Variants in POLA1 observed in about 807,000 individuals in gnomAD.
The protein encoded by POLA1 is DNA polymerase alpha catalytic subunit.
In POLA1, 15 loss-of-function variants were observed where a neutral mutation model predicts 124.0. The observed-to-expected ratio is 0.12, with a 90% CI of 0.08 to 0.19. The LOEUF is 0.19. POLA1 is among the 10% of genes least tolerant of loss of function. POLA1 has a pLI of 1.00. For synonymous variants in POLA1, 408 were observed against 389.4 expected, an observed-to-expected ratio of 1.05 and a Z score of -0.56; for missense variants, 886 against 1,103.4, an observed-to-expected ratio of 0.80 and a Z score of 2.79.
At chrX:24,923,888 T>C (rs904391037) in intron 35 of POLA1, among the ~76,000 whole-genome samples, 6 of 111,751 alleles carry the variant, frequency 5.4e-5, no homozygotes, top group African/African-American at 1.3e-4. Flanking sequence ...AACTAAGTAA[T>C]TGAGTGGCAG....
intron 26 of POLA1, among the ~76,000 whole-genome samples, chrX:24,803,930 TAAAAAAAAAAAA>T (rs34721601): frequency 1.7e-3 from 24 of 13,847 alleles, no homozygotes; most frequent in Admixed American, 0.011. Context: ...ACCCTAGACT[TAAAAAAAAAAAA>T]AAAAAAAAAA....
intron 26 of POLA1, chrX:24,788,278 G>C: frequency 1.2e-6 from 1 of 809,873 alleles, no homozygotes. Context: ...GTGAAAAGCA[G>C]AAAGCTTTTC....
At chrX:24,741,132 TGTGTGTGTGTGTGTGCGCGC>T (rs991335306) in intron 20 of POLA1, among the ~76,000 whole-genome samples, 7 of 81,818 alleles carry the variant, frequency 8.6e-5, no homozygotes, top group African/African-American at 2.6e-4. Context: ...TGTGTGTGTG[TGTGTGTGTGTGTGTGCGCGC>T]GTGTGTGTGT....
At chrX:24,983,745 G>A (rs1005245867) in intron 36 of POLA1, among the ~76,000 whole-genome samples, 3 of 112,137 alleles carry the variant, frequency 2.7e-5, no homozygotes, top group Non-Finnish European at 5.6e-5. Flanking sequence ...GTCAATATCA[G>A]TAACCATCCC....
intron 4 of POLA1, among the ~76,000 whole-genome samples, chrX:24,707,759 C>T (rs1040344715): frequency 2.7e-5 from 3 of 112,124 alleles, no homozygotes; most frequent in Admixed American, 9.4e-5. Flanking sequence ...TTTGGGAGGC[C>T]GAGGTGGGCA....
At chrX:24,712,320 G>A (rs1242391617) in intron 4 of POLA1, among the ~76,000 whole-genome samples, 3 of 110,345 alleles carry the variant, frequency 2.7e-5, no homozygotes, top group Non-Finnish European at 5.7e-5. Context: ...TCCTGACCTC[G>A]TATTCCGCCC....
intron 16 of POLA1, among the ~76,000 whole-genome samples, chrX:24,733,291 G>T (rs1048852930): frequency 1.9e-4 from 21 of 112,261 alleles, no homozygotes; most frequent in African/African-American, 6.5e-4. Flanking sequence ...GCAATCATGA[G>T]TTCATTTCAA....
intron 27 of POLA1, 43 bp from the exon 28 acceptor site, chrX:24,810,665 C>T (rs963145803): frequency 3.5e-6 from 2 of 574,842 alleles, no homozygotes; most frequent in African/African-American, 4.7e-5. Flanking sequence ...ATGTAATGGT[C>T]ACTGTGTTTT....
At chrX:24,860,666 T>C (rs2046704370) in intron 34 of POLA1, among the ~76,000 whole-genome samples, 1 of 112,240 alleles carries the variant, frequency 8.9e-6, no homozygotes, top group East Asian at 2.8e-4. Flanking sequence ...AGCAAAGGAG[T>C]GAACATGAGT....
At chrX:24,916,120 G>T (rs960391514) in intron 35 of POLA1, among the ~76,000 whole-genome samples, 1 of 111,196 alleles carries the variant, frequency 9.0e-6, no homozygotes, top group Non-Finnish European at 1.9e-5. Context: ...CATAGGCTTG[G>T]GAATTGAAGA....
At chrX:24,981,264 AAGTC>A (rs2048417393) in intron 36 of POLA1, among the ~76,000 whole-genome samples, 1 of 112,491 alleles carries the variant, frequency 8.9e-6, no homozygotes, top group Non-Finnish European at 1.9e-5. Context: ...CCAGAAGCCC[AAGTC>A]AGGATCAGAG....
intron 35 of POLA1, among the ~76,000 whole-genome samples, chrX:24,901,690 A>G (rs1029861887): frequency 2.7e-5 from 3 of 111,127 alleles, no homozygotes; most frequent in Non-Finnish European, 5.7e-5. Context: ...AAGTGGTTAG[A>G]TTCTTGATGC....
intron 36 of POLA1, among the ~76,000 whole-genome samples, chrX:24,979,488 T>C (rs921569254): frequency 8.9e-6 from 1 of 112,398 alleles, no homozygotes; most frequent in Non-Finnish European, 1.9e-5. Context: ...CTGGAATCTC[T>C]GGTCAGAAAT....
At chrX:24,748,655 TC>T (rs771118107) in intron 25 of POLA1, among the ~76,000 whole-genome samples, 195 bp downstream of exon 25, 17 of 112,512 alleles carry the variant, frequency 1.5e-4, no homozygotes, top group Admixed American at 1.4e-3. Flanking sequence ...GCAAGATACT[TC>T]TGGCTCCTGG....
chrX:24,806,678 T>G (rs2045806966), intron 26 of POLA1, among the ~76,000 whole-genome samples: 1 of 111,817 alleles, frequency 8.9e-6, no homozygotes, highest in Admixed American at 9.5e-5. Context: ...TGGGTTATAT[T>G]TATTTTAAAA....
intron 36 of POLA1, among the ~76,000 whole-genome samples, chrX:24,962,961 C>G (rs1428829861): frequency 9.0e-6 from 1 of 111,485 alleles, no homozygotes; most frequent in South Asian, 3.8e-4. Context: ...TTCTCCTCTC[C>G]CTTCAATGAC....
intron 35 of POLA1, among the ~76,000 whole-genome samples, chrX:24,895,723 G>T (rs1457138261): frequency 8.9e-6 from 1 of 112,093 alleles, no homozygotes; most frequent in African/African-American, 3.2e-5. Flanking sequence ...CATGTACCCA[G>T]CCATTTGGCT....
chrX:24,987,863 G>C (rs1371267884), intron 36 of POLA1, among the ~76,000 whole-genome samples: 1 of 111,701 alleles, frequency 9.0e-6, no homozygotes, highest in African/African-American at 3.3e-5. Context: ...TCCAGAATGT[G>C]ATGGTGACCT....
Position 24,782,284 on chromosome X carries a change from A to G in POLA1, c.2965-27614A>G, listed in dbSNP as rs779117925. On this transcript the variant is annotated intron_variant, in intron 26 of 36. Transcript: ENST00000379068. ...ACAAAGGGACTTGGATAGATAATCCATGATTAGGACACACCTGCCACAGAG... is the reference window on the plus strand; with the variant it reads ...ACAAAGGGACTTGGATAGATAATCCGTGATTAGGACACACCTGCCACAGAG... 1.2e-4 allele frequency among the ~76,000 whole-genome samples: 14 copies of G among 112,227 alleles called. No homozygotes were observed. In the South Asian group the frequency reaches 1.9e-3, roughly 15 times the overall value.
Sources: gnomAD v4.1 joint callset for allele counts (sites outside exome capture counted in the v4.1 genomes callset) on GRCh38, gnomAD v4.1.1 for gene constraint, MANE v1.5 for transcripts, NCBI Gene and HGNC (gene_info 2026-07-23, HGNC 2026-07-21) for gene names.